FRMD3: variants seen among roughly 807,000 people sequenced by gnomAD.
FRMD3 encodes FERM domain-containing protein 3.
FRMD3 carries 33 observed loss-of-function variants against 70.2 expected under a neutral mutation model. The observed-to-expected ratio is 0.47, with a 90% CI of 0.36 to 0.63. The LOEUF (loss-of-function observed/expected upper bound fraction) is 0.63, where lower values mean the gene tolerates loss of function less well. FRMD3 is among the 20% of genes least tolerant of loss of function. The probability of loss-of-function intolerance (pLI) is 0.00; values close to 1 mark genes in which losing one functional copy is unlikely to be tolerated. For missense variants in FRMD3, 632 were observed against 711.4 expected (o/e 0.89, Z 1.27); for synonymous variants, 279 against 255.9 (o/e 1.09, Z -0.86).
intron 1 of FRMD3, among the ~76,000 whole-genome samples, chr9:83,422,117 C>T (rs1368269669): frequency 2.0e-5 from 3 of 152,058 alleles, no homozygotes; most frequent in African/African-American, 4.8e-5. Context: ...CCCAGCTACT[C>T]GGGAGGCTGA....
At chr9:83,297,821 A>T (rs1336996964) in intron 12 of FRMD3, 1 of 471,792 alleles carries the variant, frequency 2.1e-6, no homozygotes, top group Non-Finnish European at 4.4e-6. Context: ...ACACATCTAC[A>T]TGGGATATCA....
intron 1 of FRMD3, among the ~76,000 whole-genome samples, chr9:83,503,894 G>GAT (rs1354761648): frequency 3.3e-5 from 5 of 152,194 alleles, no homozygotes; most frequent in Non-Finnish European, 5.9e-5. Flanking sequence ...GGAAAAGGAA[G>GAT]ATATAGCTTG....
chr9:83,525,243 A>G (rs1164328937), intron 1 of FRMD3, among the ~76,000 whole-genome samples: 12 of 152,194 alleles, frequency 7.9e-5, no homozygotes, highest in African/African-American at 2.9e-4. Context: ...ATCTGTTAAC[A>G]CGTTAATTGC....
chr9:83,343,575 T>G (rs955517417), intron 4 of FRMD3, among the ~76,000 whole-genome samples: 1 of 152,068 alleles, frequency 6.6e-6, no homozygotes, highest in Admixed American at 6.5e-5. Flanking sequence ...CAGGACCCAG[T>G]GGCCAGAGCT....
At chr9:83,257,264 T>C (rs1180161432) in intron 13 of FRMD3, among the ~76,000 whole-genome samples, 2 of 152,136 alleles carry the variant, frequency 1.3e-5, no homozygotes, top group Non-Finnish European at 2.9e-5. Context: ...AGCAAACTAA[T>C]GCAGAAACAG....
chr9:83,452,034 AC>A (rs947867366), intron 1 of FRMD3, among the ~76,000 whole-genome samples: 17 of 152,182 alleles, frequency 1.1e-4, no homozygotes, highest in African/African-American at 4.1e-4. Context: ...CAAGATGTCA[AC>A]AGAGGGAGAC....
the FRMD3 span, among the ~76,000 whole-genome samples, chr9:83,561,038 A>T: frequency 6.6e-6 from 1 of 152,236 alleles, no homozygotes; most frequent in Admixed American, 6.5e-5. Context: ...AAGTTAGGAA[A>T]CACTTCCTTC....
chr9:83,540,369 A>C (rs924468449), upstream of FRMD3, among the ~76,000 whole-genome samples: 2 of 152,230 alleles, frequency 1.3e-5, no homozygotes, highest in African/African-American at 2.4e-5. Context: ...GTTACCCCAA[A>C]TTCCAAGGAA....
chr9:83,292,243 C>G (rs1834452652), intron 12 of FRMD3, among the ~76,000 whole-genome samples: 1 of 151,170 alleles, frequency 6.6e-6, no homozygotes, highest in African/African-American at 2.4e-5. Context: ...ACTGCAACCT[C>G]TGCCTCCTGG....
intron 3 of FRMD3, among the ~76,000 whole-genome samples, chr9:83,368,830 A>G (rs577076206): frequency 1.3e-5 from 2 of 152,206 alleles, no homozygotes; most frequent in African/African-American, 2.4e-5. Context: ...TAAAATGTAT[A>G]TATCTTTAGA....
intron 13 of FRMD3, among the ~76,000 whole-genome samples, chr9:83,260,892 T>C (rs1358863616): frequency 6.6e-6 from 1 of 152,146 alleles, no homozygotes; most frequent in Admixed American, 6.6e-5. Flanking sequence ...GCGAAACTCC[T>C]GTCCCATGGG....
intron 1 of FRMD3, among the ~76,000 whole-genome samples, chr9:83,449,755 C>A (rs1202409974): frequency 6.6e-6 from 1 of 152,180 alleles, no homozygotes; most frequent in Non-Finnish European, 1.5e-5. Context: ...AAGTGATGGA[C>A]TTGATCTCAG....
intron 6 of FRMD3, 87 bp downstream of exon 6, chr9:83,335,429 C>T (rs1823542375): frequency 1.5e-6 from 2 of 1,360,418 alleles, no homozygotes; most frequent in Non-Finnish European, 1.0e-6. Flanking sequence ...ACAAATATTC[C>T]TCCTTCACGA....
the FRMD3 span, among the ~76,000 whole-genome samples, chr9:83,567,297 G>A: frequency 3.9e-5 from 6 of 152,226 alleles, no homozygotes; most frequent in African/African-American, 1.4e-4. Flanking sequence ...GCTGCACCAA[G>A]TCCCTAGGCT....
chr9:83,282,532 G>A (rs528632811), intron 13 of FRMD3, among the ~76,000 whole-genome samples: 60 of 99,784 alleles, frequency 6.0e-4, no homozygotes, highest in Admixed American at 1.6e-3. Context: ...TCAAGCCACA[G>A]TCTTGGATTT....
chr9:83,273,456 A>G (rs951923575), intron 13 of FRMD3, among the ~76,000 whole-genome samples: 1 of 151,548 alleles, frequency 6.6e-6, no homozygotes, highest in Non-Finnish European at 1.5e-5. Context: ...AGTCATCAGC[A>G]CTCCCTAATC....
chr9:83,558,784 A>T, the FRMD3 span, among the ~76,000 whole-genome samples: 1 of 152,248 alleles, frequency 6.6e-6, no homozygotes, highest in East Asian at 1.9e-4. Flanking sequence ...CATTAATAGG[A>T]ATTTCAAAGA....
At chr9:83,437,071 C>T (rs935792571) in intron 1 of FRMD3, among the ~76,000 whole-genome samples, 2 of 152,184 alleles carry the variant, frequency 1.3e-5, no homozygotes, top group Non-Finnish European at 2.9e-5. Context: ...GGCAAAAAGA[C>T]GATGAGGTGC....
At chr9:83,546,040 A>T in the FRMD3 span, among the ~76,000 whole-genome samples, 6 of 151,040 alleles carry the variant, frequency 4.0e-5, no homozygotes, top group Admixed American at 3.3e-4. Context: ...AGAAGAGATA[A>T]GGGTCCTATT....
Sources: allele counts gnomAD v4.1 joint callset (sites outside exome capture counted in the v4.1 genomes callset), GRCh38; gene constraint gnomAD v4.1.1; transcripts MANE v1.5; gene names NCBI Gene and HGNC (gene_info 2026-07-23, HGNC 2026-07-21).